The following SPTBN1 variants were observed in gnomAD, a reference collection of about 807,000 sequenced individuals.
The protein encoded by SPTBN1 is spectrin beta chain, non-erythrocytic 1.
Under a neutral mutation model 266.4 loss-of-function variants are expected in SPTBN1, and 32 were observed. The observed-to-expected ratio is 0.12, with a 90% CI of 0.09 to 0.16. The LOEUF (loss-of-function observed/expected upper bound fraction) is 0.16. Ranked by LOEUF, SPTBN1 falls within the 10% of genes least tolerant of loss-of-function variation. The pLI is 1.00. For missense variants in SPTBN1, 2,296 were observed against 3,067.1 expected (o/e 0.75, Z 5.94); for synonymous variants, 1,336 against 1,162.2 (o/e 1.15, Z -3.04).
intron 32 of SPTBN1, chr2:54,663,124 C>T (rs1360816858): frequency 6.6e-6 from 1 of 152,182 alleles, no homozygotes; most frequent in East Asian, 1.9e-4. Context: ...AAGCATTGGG[C>T]CCAGCCATTA....
chr2:54,659,178 CAGCAAG>C lies in SPTBN1; in HGVS notation c.6271_6276del (p.Gln2091_Glu2092del). 6.2e-7 allele frequency: 1 copy of C among 1,614,060 alleles called. No individual in the cohort carries two copies. The highest frequency in any genetic ancestry group is 8.5e-7 in the Non-Finnish European group (1 of 1,179,982). ...GTTGGAGTTACTGGAAGTGCGCAGA[CAGCAAG>C]AGGAAGAGGAGAGGAAGAGGCGGCC... is the stretch of plus-strand genomic sequence containing the variant. On this transcript the variant is annotated inframe_deletion, in exon 31 of 36. Transcript: ENST00000356805.
intron 2 of SPTBN1, among the ~76,000 whole-genome samples, chr2:54,595,506 G>A (rs1676009510): frequency 6.6e-6 from 1 of 152,246 alleles, no homozygotes; most frequent in Admixed American, 6.5e-5. Flanking sequence ...AATGGAAATG[G>A]TGTGAGGCAC....
chr2:54,631,581 G>A lies in SPTBN1; in HGVS notation c.3534G>A (p.Thr1178=), dbSNP rs141332583. The A allele has an allele frequency of 6.2e-6, 10 of 1,612,658 alleles. 1 individual carries two copies. The Middle Eastern group carries it at 8.2e-4, about 133-fold the overall frequency. The change falls in exon 16 of 36, where the codon ACG becomes ACA. Residue 1178 remains threonine (T), a synonymous_variant. Transcript: ENST00000356805. ...SHAYQQFLRD[T]KQAEAFLNNQ... ...CCTACCAGCAGTTCCTCAGAGACAC[G>A]AAGCAAGCCGAAGCCTTTCTTAACA...
intron 1 of SPTBN1, among the ~76,000 whole-genome samples, chr2:54,480,299 T>C (rs1377325844): frequency 6.6e-6 from 1 of 152,228 alleles, no homozygotes; most frequent in East Asian, 1.9e-4. Flanking sequence ...CTCTTCTGCC[T>C]CTTTTAAAAG....
chr2:54,484,510 C>CT (rs1300911273), intron 1 of SPTBN1, among the ~76,000 whole-genome samples: 3 of 152,062 alleles, frequency 2.0e-5, no homozygotes, highest in Non-Finnish European at 4.4e-5. Context: ...TTAACTTCTC[C>CT]TAAGAACAGG....
At chr2:54,650,822 A>G (rs1463611095) in intron 26 of SPTBN1, among the ~76,000 whole-genome samples, 1 of 152,216 alleles carries the variant, frequency 6.6e-6, no homozygotes, top group African/African-American at 2.4e-5. Context: ...GTTCCAATAA[A>G]TCTTTATTTA....
intron 1 of SPTBN1, among the ~76,000 whole-genome samples, chr2:54,456,982 C>A (rs1289146808): frequency 6.6e-6 from 1 of 150,822 alleles, no homozygotes; most frequent in African/African-American, 2.4e-5. Flanking sequence ...TCTCTGTGGC[C>A]CCGCGGGTGG....
rs750134105 is a variant in SPTBN1 at position 54,532,960 on chromosome 2, A to AT, written c.148+6403dup. 2.2e-3 allele frequency among the ~76,000 whole-genome samples: 326 copies of AT among 151,292 alleles called. 1 individual carries two copies. The highest frequency in any genetic ancestry group is 4.1e-3 in the Admixed American group (63 of 15,198). On this transcript the variant is annotated intron_variant, in intron 2 of 35. Transcript: ENST00000356805. ...TTAACATAGACCTTATCATTATAGG[A>AT]TTTTTTTTTCTTTTCTTGTTGAGAA...
intron 1 of SPTBN1, among the ~76,000 whole-genome samples, chr2:54,519,390 G>A (rs1670292970): frequency 6.6e-6 from 1 of 152,204 alleles, no homozygotes; most frequent in Non-Finnish European, 1.5e-5. Flanking sequence ...TGTGGGCACT[G>A]TCTAAGGTTG....
intron 3 of SPTBN1, among the ~76,000 whole-genome samples, chr2:54,602,603 TC>T (rs1269141024): frequency 6.6e-6 from 1 of 152,120 alleles, no homozygotes; most frequent in Admixed American, 6.5e-5. Context: ...AACTCTGCCC[TC>T]CCCCAAACCC....
At chr2:54,456,626 A>C (rs1444178916) in intron 1 of SPTBN1, 108 bp downstream of exon 1, 3 of 151,200 alleles carry the variant, frequency 2.0e-5, no homozygotes, top group Admixed American at 6.6e-5. Flanking sequence ...CCAGGGCCGG[A>C]GGACGCCGCT....
chr2:54,541,752 A>C (rs1203624729), intron 2 of SPTBN1, among the ~76,000 whole-genome samples: 1 of 152,228 alleles, frequency 6.6e-6, no homozygotes, highest in Non-Finnish European at 1.5e-5. Flanking sequence ...ATAATTTTCA[A>C]CCATTTCAGT....
intron 2 of SPTBN1, among the ~76,000 whole-genome samples, chr2:54,596,347 C>G (rs911190047): frequency 6.6e-6 from 1 of 152,220 alleles, no homozygotes; most frequent in Non-Finnish European, 1.5e-5. Context: ...AAATAGATTT[C>G]TTTTCCCCTC....
chr2:54,469,809 C>G (rs1693824641), intron 1 of SPTBN1, among the ~76,000 whole-genome samples: 1 of 152,148 alleles, frequency 6.6e-6, no homozygotes, highest in African/African-American at 2.4e-5. Flanking sequence ...CTGAGAGGGG[C>G]CTGGTCCTTC....
chr2:54,598,655 A>T (rs1199341106), intron 2 of SPTBN1, among the ~76,000 whole-genome samples: 1 of 152,180 alleles, frequency 6.6e-6, no homozygotes, highest in African/African-American at 2.4e-5. Flanking sequence ...AATAGCTGTA[A>T]CATGTATGTA....
At chr2:54,579,197 T>C (rs1219862630) in intron 2 of SPTBN1, among the ~76,000 whole-genome samples, 1 of 152,182 alleles carries the variant, frequency 6.6e-6, no homozygotes, top group Non-Finnish European at 1.5e-5. Flanking sequence ...TTACCTTTAC[T>C]TTCAGTTGCA....
rs1168656034 is a variant in SPTBN1, at chr2:54,626,597, C to T, written c.1644+363C>T. On this transcript the variant is annotated intron_variant, in intron 12 of 35. Transcript: ENST00000356805. This position sits in a 1 kb window ranked among gnomAD's most constrained non-coding sequence, Gnocchi z 4.7. ...GTGGTACTACTTTGGGCAGGGGTCC[C>T]GGAGAGGTGGTATGGGGAGAAGGGA... is the stretch of plus-strand genomic sequence containing the variant. Among the ~76,000 whole-genome samples the T allele has an allele frequency of 1.3e-5, 2 of 152,034 alleles. No homozygotes were observed. Among genetic ancestry groups the T allele is most frequent in the East Asian group, 1.9e-4 (1 of 5,188 alleles).
At chr2:54,519,192 T>G (rs894031262) in intron 1 of SPTBN1, among the ~76,000 whole-genome samples, 4 of 152,050 alleles carry the variant, frequency 2.6e-5, no homozygotes, top group African/African-American at 2.4e-5. Context: ...GGCAGCCCAT[T>G]TAGAAACAAA....
intron 2 of SPTBN1, among the ~76,000 whole-genome samples, chr2:54,548,795 G>A (rs1672396649): frequency 1.3e-5 from 2 of 152,124 alleles, no homozygotes; most frequent in Non-Finnish European, 2.9e-5. Context: ...CACCTGTTAG[G>A]ACTTTCAGCT....
Sources: allele counts gnomAD v4.1 joint callset (sites outside exome capture counted in the v4.1 genomes callset), GRCh38; gene constraint gnomAD v4.1.1; non-coding constraint Gnocchi (gnomAD v3.1); transcripts MANE v1.5; gene names NCBI Gene and HGNC (gene_info 2026-07-23, HGNC 2026-07-21).